ATP13A5: variants seen among roughly 807,000 people sequenced by gnomAD.
ATP13A5 encodes ATPase 13A5.
In ATP13A5, 149 loss-of-function variants were observed where a neutral mutation model predicts 150.2. The observed-to-expected ratio is 0.99, with a 90% CI of 0.87 to 1.14. The LOEUF (loss-of-function observed/expected upper bound fraction) is 1.14, where lower values mean the gene tolerates loss of function less well. Among genes scored for constraint, ATP13A5 ranks in the 50% most tolerant of loss-of-function variants. The pLI, the probability that ATP13A5 is intolerant of heterozygous loss-of-function variation, is 0.00. For synonymous variants in ATP13A5, 497 were observed against 522.2 expected (o/e 0.95, Z 0.66); for missense variants, 1,383 against 1,449.3 (o/e 0.95, Z 0.74).
chr3:193,327,798 C>CAGT (rs1223863044), intron 12 of ATP13A5, among the ~76,000 whole-genome samples: 2 of 152,144 alleles, frequency 1.3e-5, no homozygotes, highest in Non-Finnish European at 2.9e-5. Context: ...TGTCTTGATG[C>CAGT]AGTAGGCTAA....
At chr3:193,312,890 A>G (rs931374387) in intron 19 of ATP13A5, 8 of 152,096 alleles carry the variant, frequency 5.3e-5, no homozygotes, top group African/African-American at 1.7e-4. Flanking sequence ...AAGGGCAGGA[A>G]TTCCTTTTGC....
chr3:193,286,661 T>G (rs1717735044), intron 26 of ATP13A5, among the ~76,000 whole-genome samples: 2 of 152,188 alleles, frequency 1.3e-5, no homozygotes, highest in African/African-American at 4.8e-5. Flanking sequence ...TCCGCATCTC[T>G]CTTCCTCTCC....
rs1712548577 is a variant in ATP13A5, at chr3:193,351,174, C to T, written c.634G>A (p.Ala212Thr). 6.2e-7 allele frequency: 1 copy of T among 1,613,742 alleles called. No individual in the cohort carries two copies. The highest frequency in any genetic ancestry group is 8.5e-7 in the Non-Finnish European group (1 of 1,179,724). ...QVLNPFYVFQ[A>T]FTLTLWLSQG... ...GACAGCCACAAAGTTAGGGTGAAGG[C>T]TTGGAACACATAGAATGGATTTAAA... Residue 212 changes from alanine to threonine, a missense_variant, in exon 7 of 30, where the codon GCC (alanine) becomes ACC (threonine). Ala to Thr is a moderately conservative substitution (Grantham distance 58). Around this residue, in one of 3 missense-constraint regions of ATP13A5, gnomAD observed 787 missense variants for 771.9 expected, o/e 1.02. Transcript: ENST00000342358.
chr3:193,302,962 T>G (rs1718461397), intron 23 of ATP13A5, among the ~76,000 whole-genome samples: 1 of 152,196 alleles, frequency 6.6e-6, no homozygotes, highest in Non-Finnish European at 1.5e-5. Context: ...TTTTACATCA[T>G]GACTTGTATT....
chr3:193,372,365 T>G (rs1577377709), intron 1 of ATP13A5: 1 of 147,066 alleles, frequency 6.8e-6, no homozygotes, highest in Non-Finnish European at 1.5e-5. Flanking sequence ...TACCAACCCC[T>G]ACTTTTGTTC....
chr3:193,349,066 G>A (rs886976308), intron 7 of ATP13A5, among the ~76,000 whole-genome samples: 1 of 152,118 alleles, frequency 6.6e-6, no homozygotes, highest in African/African-American at 2.4e-5. Context: ...GAATGTGGGC[G>A]CCTATTGTAA....
At chr3:193,290,501 T>C (rs956030291) in intron 25 of ATP13A5, among the ~76,000 whole-genome samples, 2 of 152,002 alleles carry the variant, frequency 1.3e-5, no homozygotes, top group African/African-American at 4.8e-5. Context: ...TGCTGGATAA[T>C]TTAAAAAAAA....
intron 11 of ATP13A5, among the ~76,000 whole-genome samples, chr3:193,332,192 T>C (rs1042970103): frequency 6.6e-6 from 1 of 152,206 alleles, no homozygotes; most frequent in Non-Finnish European, 1.5e-5. Flanking sequence ...TCTGATGGTT[T>C]ATAAATGGGA....
At chr3:193,338,859 G>A (rs1442264028) in intron 9 of ATP13A5, among the ~76,000 whole-genome samples, 1 of 152,108 alleles carries the variant, frequency 6.6e-6, no homozygotes, top group Non-Finnish European at 1.5e-5. Flanking sequence ...GAATCTGTCT[G>A]GTCCTGGACT....
At chr3:193,280,274 C>T (rs1452235927) in intron 27 of ATP13A5, among the ~76,000 whole-genome samples, 2 of 152,034 alleles carry the variant, frequency 1.3e-5, no homozygotes, top group Non-Finnish European at 2.9e-5. Flanking sequence ...AGGCTGGGCT[C>T]GAACTCCTGA....
intron 12 of ATP13A5, among the ~76,000 whole-genome samples, chr3:193,330,551 C>T (rs763837727): frequency 2.0e-4 from 31 of 152,238 alleles, no homozygotes; most frequent in African/African-American, 3.1e-4. Flanking sequence ...AGGAGACTCA[C>T]GTCATGGGGG....
chr3:193,351,098 G>C lies in ATP13A5; in HGVS notation c.710C>G (p.Ser237Cys), dbSNP rs778015038. 6.2e-7 allele frequency: 1 copy of C among 1,613,634 alleles called. No homozygotes were observed. The highest frequency in any genetic ancestry group is 1.7e-5 in the Admixed American group (1 of 60,010). ...SVAIIILTVI[S>C]IVLSVYDLRQ... ...CAAATCATACACACTTAAGACAATG[G>C]AGATAACAGTCAAAATGATGATGGC... Residue 237 changes from serine to cysteine, a missense_variant, in exon 7 of 30, where the codon TCC becomes TGC. Ser to Cys is a moderately radical substitution (Grantham distance 112, BLOSUM62 -1). This residue lies in a region of ATP13A5 where 787 missense variants were observed against 771.9 expected (regional missense o/e 1.02). Coordinates refer to ENST00000342358, the MANE Select transcript of ATP13A5 (RefSeq NM_198505.4).
chr3:193,277,802 C>T (rs1442198295), intron 28 of ATP13A5: 1 of 152,146 alleles, frequency 6.6e-6, no homozygotes, highest in East Asian at 1.9e-4. Context: ...ATCCCTTGAC[C>T]TGGAAGTCAC....
intron 16 of ATP13A5, among the ~76,000 whole-genome samples, chr3:193,320,719 A>G (rs1294326168): frequency 6.6e-6 from 1 of 152,210 alleles, no homozygotes; most frequent in African/African-American, 2.4e-5. Context: ...GCCATCAGCA[A>G]TCATAAGGAG....
At chr3:193,344,173 G>T in intron 8 of ATP13A5, 118 bp from the exon 9 acceptor site, 1 of 1,265,776 alleles carries the variant, frequency 7.9e-7, no homozygotes, top group South Asian at 1.6e-5. Flanking sequence ...CTGTTCAACT[G>T]TTGAAGCCCC....
chr3:193,292,562 T>G (rs1413355629), intron 25 of ATP13A5, among the ~76,000 whole-genome samples: 1 of 152,152 alleles, frequency 6.6e-6, no homozygotes, highest in African/African-American at 2.4e-5. Flanking sequence ...GCCCTGTGGC[T>G]CTGCTTTTTG....
At chr3:193,309,334 G>A (rs1560125684) in intron 21 of ATP13A5, among the ~76,000 whole-genome samples, 3 of 152,106 alleles carry the variant, frequency 2.0e-5, no homozygotes, top group Non-Finnish European at 4.4e-5. Context: ...AGGGTATAAC[G>A]CACCTACTTC....
intron 7 of ATP13A5, among the ~76,000 whole-genome samples, chr3:193,348,984 GT>G (rs11335883): frequency 0.095 from 14,527 of 152,192 alleles, 1,109 homozygotes; most frequent in African/African-American, 0.2. Context: ...CTCTCAGGTG[GT>G]TAGGAGGCTA....
At chr3:193,304,631 G>T (rs1268886657) in intron 23 of ATP13A5, among the ~76,000 whole-genome samples, 2 of 152,140 alleles carry the variant, frequency 1.3e-5, no homozygotes, top group Non-Finnish European at 2.9e-5. Context: ...ATAAAACTGG[G>T]TGTTTTGTTC....
Sources: gnomAD v4.1 joint callset for allele counts (sites outside exome capture counted in the v4.1 genomes callset) on GRCh38, gnomAD v4.1.1 for gene constraint, gnomAD v4.1.1 regional missense constraint, MANE v1.5 for transcripts, NCBI Gene and HGNC (gene_info 2026-07-23, HGNC 2026-07-21) for gene names.